Variants in FBXO34 observed in about 807,000 individuals in gnomAD.
The protein encoded by FBXO34 is F-box only protein 34.
A neutral mutation model predicts 24.5 loss-of-function variants in FBXO34; 12 were observed. That is an observed-to-expected ratio of 0.49 (90% CI 0.31 to 0.79). FBXO34 has a LOEUF of 0.79. FBXO34 is among the 30% of genes least tolerant of loss of function. FBXO34 has a pLI of 0.04. For missense variants in FBXO34, 823 were observed against 857.7 expected (o/e 0.96, Z 0.51); for synonymous variants, 320 against 311.9 (o/e 1.03, Z -0.27).
chr14:55,318,954 A>C (rs983506692), intron 1 of FBXO34, among the ~76,000 whole-genome samples: 3 of 152,104 alleles, frequency 2.0e-5, no homozygotes, highest in African/African-American at 7.2e-5. Context: ...TTAGACTCTC[A>C]TTGTGCTTAA....
chr14:55,388,056 G>A, the FBXO34 span, among the ~76,000 whole-genome samples: 1 of 152,118 alleles, frequency 6.6e-6, no homozygotes, highest in Non-Finnish European at 1.5e-5. Context: ...AGAATTGCTT[G>A]AACCCGGGAG....
intron 1 of FBXO34, among the ~76,000 whole-genome samples, chr14:55,335,638 C>T (rs1023403525): frequency 1.3e-5 from 2 of 152,134 alleles, no homozygotes; most frequent in African/African-American, 4.8e-5. Context: ...TAAAATTCCT[C>T]TATAAAGCAC....
chr14:55,279,585 A>G (rs1247293060), intron 1 of FBXO34, among the ~76,000 whole-genome samples: 1 of 152,240 alleles, frequency 6.6e-6, no homozygotes, highest in Admixed American at 6.5e-5. Flanking sequence ...CCCTTGGAGT[A>G]TGTGTGAACC....
At chr14:55,440,636 G>C in the FBXO34 span, 4 of 1,386,518 alleles carry the variant, frequency 2.9e-6, no homozygotes, top group South Asian at 1.5e-5. Flanking sequence ...GGCTTGGAGC[G>C]GGATGCGGAA....
chr14:55,343,358 C>A (rs991421978), intron 1 of FBXO34, among the ~76,000 whole-genome samples: 31 of 151,034 alleles, frequency 2.1e-4, no homozygotes, highest in African/African-American at 7.6e-4. Flanking sequence ...TTCAGCAATT[C>A]TCCTGCCTTA....
intron 1 of FBXO34, among the ~76,000 whole-genome samples, chr14:55,345,770 G>A (rs764110983): frequency 6.6e-6 from 1 of 152,212 alleles, no homozygotes; most frequent in Non-Finnish European, 1.5e-5. Context: ...GGGAGGCCAA[G>A]GTGGGAGGCT....
intron 1 of FBXO34, among the ~76,000 whole-genome samples, chr14:55,331,293 A>G (rs1883524127): frequency 6.6e-6 from 1 of 152,020 alleles, no homozygotes; most frequent in African/African-American, 2.4e-5. Flanking sequence ...AAATATATTA[A>G]TGGCTTTTCC....
the FBXO34 span, chr14:55,435,764 G>T: frequency 1.0e-6 from 1 of 1,004,880 alleles, no homozygotes; most frequent in Non-Finnish European, 1.5e-6. Flanking sequence ...AAAAACAGAG[G>T]AATTAGTCAA....
the FBXO34 span, chr14:55,390,935 TA>T: frequency 6.2e-7 from 1 of 1,603,650 alleles, no homozygotes. Flanking sequence ...TCATTTCCTT[TA>T]CATATTGTTT....
chr14:55,287,913 A>G (rs1881815274), intron 1 of FBXO34, among the ~76,000 whole-genome samples: 1 of 152,190 alleles, frequency 6.6e-6, no homozygotes, highest in Non-Finnish European at 1.5e-5. Context: ...TGCTGTGTTA[A>G]CAATGTCATC....
intron 1 of FBXO34, among the ~76,000 whole-genome samples, chr14:55,318,706 TAAGAA>T (rs1407313721): frequency 1.3e-5 from 2 of 152,022 alleles, no homozygotes; most frequent in East Asian, 3.9e-4. Context: ...TATGAGGAGA[TAAGAA>T]AACACACAAA....
At chr14:55,326,818 T>C (rs147723560) in intron 1 of FBXO34, among the ~76,000 whole-genome samples, 2 of 152,188 alleles carry the variant, frequency 1.3e-5, no homozygotes, top group Admixed American at 1.3e-4. Context: ...ATACAAACTT[T>C]AGGGATGTTT....
chr14:55,356,668 C>T (rs779027814), downstream of FBXO34, among the ~76,000 whole-genome samples: 5 of 151,848 alleles, frequency 3.3e-5, no homozygotes, highest in Non-Finnish European at 7.4e-5. Context: ...CCATATTGGC[C>T]AGGCTGGTCT....
intron 1 of FBXO34, among the ~76,000 whole-genome samples, chr14:55,293,680 A>G (rs546313763): frequency 6.6e-6 from 1 of 152,236 alleles, no homozygotes; most frequent in Admixed American, 6.5e-5. Flanking sequence ...GGGCATTGTG[A>G]TCAACCTCAG....
At chr14:55,405,654 T>C in the FBXO34 span, among the ~76,000 whole-genome samples, 3 of 152,330 alleles carry the variant, frequency 2.0e-5, no homozygotes, top group African/African-American at 4.8e-5. Flanking sequence ...ACCTATCAGG[T>C]ATCTACTGGG....
chr14:55,360,365 G>A (rs562866827), intron 3 of FBXO34, among the ~76,000 whole-genome samples: 48 of 152,196 alleles, frequency 3.2e-4, no homozygotes, highest in South Asian at 6.2e-4. Context: ...GAGCCACCAC[G>A]CCCAGCCAAA....
At chr14:55,309,194 A>G (rs911605415) in intron 1 of FBXO34, among the ~76,000 whole-genome samples, 29 of 152,324 alleles carry the variant, frequency 1.9e-4, no homozygotes, top group African/African-American at 7.0e-4. Flanking sequence ...TAGTCTTTAC[A>G]CACTTCCAGA....
the FBXO34 span, among the ~76,000 whole-genome samples, chr14:55,405,346 C>T: frequency 1.3e-5 from 2 of 152,166 alleles, no homozygotes; most frequent in Admixed American, 6.5e-5. Context: ...ATCCTTTATC[C>T]CATTTCTCAA....
chr14:55,399,567 T>C, the FBXO34 span, among the ~76,000 whole-genome samples: 3 of 152,222 alleles, frequency 2.0e-5, no homozygotes, highest in Admixed American at 2.0e-4. Context: ...AGAAATCTAA[T>C]TATAAATTCT....
Sources: allele counts gnomAD v4.1 joint callset (sites outside exome capture counted in the v4.1 genomes callset), GRCh38; gene constraint gnomAD v4.1.1; transcripts MANE v1.5; gene names NCBI Gene and HGNC (gene_info 2026-07-23, HGNC 2026-07-21).